The following RNLS variants were observed in gnomAD, a reference collection of about 807,000 sequenced individuals.
The protein encoded by RNLS is renalase.
RNLS carries 39 observed loss-of-function variants against 39.8 expected under a neutral mutation model. That is an observed-to-expected ratio of 0.98 (90% CI 0.76 to 1.28). RNLS has a LOEUF of 1.28. Among genes scored for constraint, RNLS ranks in the 50% most tolerant of loss-of-function variants. RNLS has a pLI of 0.00. For synonymous variants in RNLS, 147 were observed against 150.7 expected (o/e 0.98, Z 0.18); for missense variants, 410 against 413.3 (o/e 0.99, Z 0.07).
At chr10:88,238,595 T>C in the RNLS span, among the ~76,000 whole-genome samples, 2,015 of 152,292 alleles carry the variant, frequency 0.013, 45 homozygotes, top group African/African-American at 0.046. Context: ...CTGGTAACTC[T>C]CAAAGTGAAA....
intron 4 of RNLS, among the ~76,000 whole-genome samples, chr10:88,410,475 A>G (rs1219904130): frequency 1.3e-5 from 2 of 152,168 alleles, no homozygotes; most frequent in Non-Finnish European, 2.9e-5. Flanking sequence ...TTCAAACAAG[A>G]AATGTGCTGT....
intron 4 of RNLS, among the ~76,000 whole-genome samples, chr10:88,432,013 T>C (rs972485058): frequency 6.6e-6 from 1 of 151,800 alleles, no homozygotes; most frequent in Non-Finnish European, 1.5e-5. Context: ...GATGATTTTA[T>C]ATCTTCTTGT....
At chr10:88,191,625 G>A in the RNLS span, among the ~76,000 whole-genome samples, 32 of 152,214 alleles carry the variant, frequency 2.1e-4, no homozygotes, top group Admixed American at 2.1e-3. Context: ...GCTGAGCTAT[G>A]CTCCTGGGGA....
At chr10:88,520,932 G>A (rs185487532) in intron 4 of RNLS, among the ~76,000 whole-genome samples, 1 of 152,032 alleles carries the variant, frequency 6.6e-6, no homozygotes, top group East Asian at 1.9e-4. Context: ...AGTCTTGGCT[G>A]GGCTTCTCGT....
At chr10:88,232,062 C>T in the RNLS span, among the ~76,000 whole-genome samples, 13 of 152,268 alleles carry the variant, frequency 8.5e-5, no homozygotes, top group African/African-American at 2.6e-4. Flanking sequence ...TCTAAGACTT[C>T]ACTTGCTTGC....
chr10:88,327,474 T>C (rs947393086), intron 5 of RNLS, among the ~76,000 whole-genome samples: 2 of 152,188 alleles, frequency 1.3e-5, no homozygotes, highest in African/African-American at 4.8e-5. Flanking sequence ...TGCTGCCACA[T>C]GAGAAAGGTC....
chr10:88,243,215 C>T, the RNLS span, among the ~76,000 whole-genome samples: 1 of 152,168 alleles, frequency 6.6e-6, no homozygotes, highest in Non-Finnish European at 1.5e-5. Flanking sequence ...CACAAATATG[C>T]CTACTTTGCA....
intron 4 of RNLS, among the ~76,000 whole-genome samples, chr10:88,528,144 G>A (rs1847217112): frequency 6.6e-6 from 1 of 151,820 alleles, no homozygotes; most frequent in Non-Finnish European, 1.5e-5. Flanking sequence ...CAAAATTTCA[G>A]AAGATATGAA....
chr10:88,338,592 T>A (rs1847675900), intron 5 of RNLS, among the ~76,000 whole-genome samples: 1 of 152,222 alleles, frequency 6.6e-6, no homozygotes, highest in African/African-American at 2.4e-5. Flanking sequence ...AGTTTATCCC[T>A]AAAATAACAT....
At chr10:88,204,743 T>C in the RNLS span, among the ~76,000 whole-genome samples, 2 of 152,186 alleles carry the variant, frequency 1.3e-5, no homozygotes, top group African/African-American at 4.8e-5. Flanking sequence ...ATCCATCTGA[T>C]TCCAAATAGT....
At chr10:88,350,379 C>T (rs144564409) in intron 5 of RNLS, among the ~76,000 whole-genome samples, 1,634 of 152,168 alleles carry the variant, frequency 0.011, 30 homozygotes, top group African/African-American at 0.037. Context: ...TATCCCTCCC[C>T]CCTCCTCCCA....
chr10:88,565,460 G>C (rs535101653), intron 4 of RNLS, among the ~76,000 whole-genome samples: 1 of 152,280 alleles, frequency 6.6e-6, no homozygotes, highest in African/African-American at 2.4e-5. Flanking sequence ...AAAGGATCTT[G>C]TGGGGACATT....
the RNLS span, among the ~76,000 whole-genome samples, chr10:88,244,441 C>T: frequency 3.0e-4 from 46 of 152,254 alleles, no homozygotes; most frequent in Non-Finnish European, 5.1e-4. Flanking sequence ...TAGCAGTAAC[C>T]GAAAGGGTGC....
chr10:88,307,320 A>T (rs1269925030), intron 6 of RNLS, among the ~76,000 whole-genome samples: 2 of 152,156 alleles, frequency 1.3e-5, no homozygotes, highest in African/African-American at 2.4e-5. Flanking sequence ...GTCCTGGCCC[A>T]CCTGGGCAAT....
At chr10:88,423,617 A>C (rs566163608) in intron 4 of RNLS, among the ~76,000 whole-genome samples, 1 of 152,218 alleles carries the variant, frequency 6.6e-6, no homozygotes, top group African/African-American at 2.4e-5. Flanking sequence ...TTTCAAACTG[A>C]GGCTTTTATG....
chr10:88,424,160 A>G (rs1462430420), intron 4 of RNLS, among the ~76,000 whole-genome samples: 1 of 152,206 alleles, frequency 6.6e-6, no homozygotes, highest in Non-Finnish European at 1.5e-5. Flanking sequence ...CTGAAGGTCC[A>G]TGAATGCTGA....
At chr10:88,467,674 G>A (rs1843290474) in intron 4 of RNLS, among the ~76,000 whole-genome samples, 1 of 152,068 alleles carries the variant, frequency 6.6e-6, no homozygotes, top group African/African-American at 2.4e-5. Context: ...AAATGCCTGA[G>A]TCCCAACACT....
At position 88,304,591 on chromosome 10, in the gene RNLS, C is replaced by A. The variant is rs372669668; in HGVS notation, c.876+9875G>T. Among the ~76,000 whole-genome samples, 57 of 152,170 alleles carry A rather than the reference C, an allele frequency of 3.7e-4. No individual in the cohort carries two copies. The Middle Eastern group carries it at 0.017, about 45-fold the overall frequency. ...ATAGACCAAGTGGAGGAAAGAATCT[C>A]GGCGCTTAAAGACTGGCTTTCTGAA... On this transcript the variant is annotated intron_variant, in intron 6 of 6. Transcript: ENST00000331772.
intron 5 of RNLS, among the ~76,000 whole-genome samples, chr10:88,352,691 G>C (rs1042984978): frequency 1.3e-5 from 2 of 152,204 alleles, no homozygotes; most frequent in African/African-American, 4.8e-5. Context: ...CCAGGCTTTG[G>C]TATCAGCATG....
Sources: allele counts gnomAD v4.1 joint callset (sites outside exome capture counted in the v4.1 genomes callset), GRCh38; gene constraint gnomAD v4.1.1; transcripts MANE v1.5; gene names NCBI Gene and HGNC (gene_info 2026-07-23, HGNC 2026-07-21).